The following BICRAL variants were observed in gnomAD, a reference collection of about 807,000 sequenced individuals.
BICRAL encodes BICRA like chromatin remodeling complex associated protein, also known as BRD4-interacting chromatin-remodeling complex-associated protein-like.
A neutral mutation model predicts 91.8 loss-of-function variants in BICRAL; 8 were observed. That is an observed-to-expected ratio of 0.09 (90% CI 0.05 to 0.16). The LOEUF (loss-of-function observed/expected upper bound fraction) is 0.16, where lower values mean the gene tolerates loss of function less well. Ranked by LOEUF, BICRAL falls within the 10% of genes least tolerant of loss-of-function variation. The probability of loss-of-function intolerance (pLI) is 1.00; values close to 1 mark genes in which losing one functional copy is unlikely to be tolerated. For missense variants in BICRAL, 1,038 were observed against 1,310.9 expected (o/e 0.79, Z 3.21); for synonymous variants, 445 against 491.1 (o/e 0.91, Z 1.24).
intron 6 of BICRAL, among the ~76,000 whole-genome samples, chr6:42,847,471 T>C (rs980443462): frequency 6.6e-6 from 1 of 152,106 alleles, no homozygotes; most frequent in Non-Finnish European, 1.5e-5. Context: ...GATATTGATG[T>C]GATACATTAA....
At chr6:42,839,861 A>G (rs1200056466) in intron 6 of BICRAL, among the ~76,000 whole-genome samples, 1 of 152,154 alleles carries the variant, frequency 6.6e-6, no homozygotes, top group Non-Finnish European at 1.5e-5. Context: ...GTGTCACAAG[A>G]CACTGTAGGA....
intron 6 of BICRAL, among the ~76,000 whole-genome samples, chr6:42,839,526 C>T (rs1764727886): frequency 6.6e-6 from 1 of 151,810 alleles, no homozygotes; most frequent in Admixed American, 6.6e-5. Context: ...GTCATGAGCC[C>T]TCATACTCCC....
intron 1 of BICRAL, among the ~76,000 whole-genome samples, chr6:42,775,201 CTGGGATCACAGGCG>C (rs1762791326): frequency 6.6e-6 from 1 of 152,238 alleles, no homozygotes; most frequent in African/African-American, 2.4e-5. Context: ...TCCCAAAGTG[CTGGGATCACAGGCG>C]TGAGCCACTG....
chr6:42,776,605 C>T (rs537990498), intron 1 of BICRAL, among the ~76,000 whole-genome samples: 1 of 152,298 alleles, frequency 6.6e-6, no homozygotes, highest in African/African-American at 2.4e-5. Context: ...GCCTCAGCCT[C>T]CCAAAGTGTT....
intron 1 of BICRAL, among the ~76,000 whole-genome samples, chr6:42,748,101 G>C (rs996177282): frequency 2.1e-5 from 3 of 140,836 alleles, no homozygotes; most frequent in African/African-American, 7.8e-5. Flanking sequence ...ACTGTGCCTG[G>C]CCCTTTTTTT....
chr6:42,772,187 A>T (rs1017704487), intron 1 of BICRAL, among the ~76,000 whole-genome samples: 3 of 152,176 alleles, frequency 2.0e-5, no homozygotes, highest in Middle Eastern at 6.3e-3. Flanking sequence ...TATAGAATGA[A>T]ATACATCAAG....
chr6:42,838,058 CTTTA>C (rs1164533695), intron 6 of BICRAL, among the ~76,000 whole-genome samples: 2 of 152,170 alleles, frequency 1.3e-5, no homozygotes, highest in Non-Finnish European at 2.9e-5. Flanking sequence ...CACATTTATA[CTTTA>C]TTTATATACT....
chr6:42,860,952 C>T (rs1765537474), intron 11 of BICRAL, among the ~76,000 whole-genome samples: 1 of 151,820 alleles, frequency 6.6e-6, no homozygotes, highest in Non-Finnish European at 1.5e-5. Context: ...CATGGAGAAA[C>T]CCCTTCTCTA....
intron 1 of BICRAL, among the ~76,000 whole-genome samples, chr6:42,750,068 T>C (rs1582795213): frequency 6.6e-6 from 1 of 152,184 alleles, no homozygotes; most frequent in Admixed American, 6.5e-5. Context: ...TTTCACTATG[T>C]TGACCAGGCT....
At chr6:42,846,711 G>C (rs1056055794) in intron 6 of BICRAL, among the ~76,000 whole-genome samples, 2 of 152,186 alleles carry the variant, frequency 1.3e-5, no homozygotes, top group Non-Finnish European at 2.9e-5. Context: ...GCCCCTCAGG[G>C]CCAAAGTATA....
intron 1 of BICRAL, among the ~76,000 whole-genome samples, chr6:42,774,467 G>T (rs892896364): frequency 1.3e-5 from 2 of 152,174 alleles, no homozygotes; most frequent in African/African-American, 4.8e-5. Context: ...ACCAGGCCGC[G>T]TGCGAAATAT....
At chr6:42,816,117 A>G (rs1763987803) in intron 2 of BICRAL, among the ~76,000 whole-genome samples, 2 of 151,604 alleles carry the variant, frequency 1.3e-5, no homozygotes, top group Admixed American at 1.3e-4. Context: ...CCAGCACTTT[A>G]GGAGACCAAG....
At chr6:42,769,232 C>T (rs1002576958) in intron 1 of BICRAL, among the ~76,000 whole-genome samples, 1 of 152,142 alleles carries the variant, frequency 6.6e-6, no homozygotes, top group Non-Finnish European at 1.5e-5. Flanking sequence ...CAAGCTCACC[C>T]GTGAGGCGGT....
chr6:42,848,963 C>T (rs141790025), intron 6 of BICRAL, among the ~76,000 whole-genome samples: 107 of 152,270 alleles, frequency 7.0e-4, no homozygotes, highest in African/African-American at 2.4e-3. Context: ...CATGGGGTCA[C>T]CTTGTAGGGG....
At chr6:42,789,378 C>T (rs1481857494) in intron 1 of BICRAL, among the ~76,000 whole-genome samples, 1 of 152,152 alleles carries the variant, frequency 6.6e-6, no homozygotes, top group Non-Finnish European at 1.5e-5. Flanking sequence ...CCATGGCTCA[C>T]ACCTACAATC....
intron 1 of BICRAL, among the ~76,000 whole-genome samples, chr6:42,796,404 G>A (rs752248359): frequency 6.6e-6 from 1 of 152,184 alleles, no homozygotes; most frequent in Non-Finnish European, 1.5e-5. Context: ...GGCGTGGCAA[G>A]GTAGCAAGGG....
chr6:42,859,743 G>A (rs1235967439), intron 10 of BICRAL, among the ~76,000 whole-genome samples: 4 of 151,986 alleles, frequency 2.6e-5, no homozygotes, highest in Non-Finnish European at 2.9e-5. Flanking sequence ...CTGGGTTCAC[G>A]CCATTCTCCT....
Position 42,866,893 on chromosome 6 carries a change from G to A in BICRAL, c.*1447G>A, listed in dbSNP as rs1765722013. The A allele has an allele frequency of 2.2e-6, 1 of 455,844 alleles. No individual in the cohort carries two copies. The highest frequency in any genetic ancestry group is 4.4e-6 in the Non-Finnish European group (1 of 226,780). 28.2% of individuals were successfully genotyped at this position (455,844 alleles called of 1,614,324 possible). The stretch of plus-strand genomic sequence containing the variant: ...TCTCCTCTCATTGGGAAAGCTACAT[G>A]ATAGTATTTTTATGCACTCTTCTCC... On this transcript the variant is annotated 3_prime_UTR_variant, in exon 13 of 13. Coordinates refer to ENST00000314073, the MANE Select transcript of BICRAL (RefSeq NM_001393499.1).
intron 6 of BICRAL, among the ~76,000 whole-genome samples, chr6:42,838,391 G>A (rs2113978683): frequency 6.6e-6 from 1 of 152,240 alleles, no homozygotes; most frequent in South Asian, 2.1e-4. Context: ...AATGGTTTGG[G>A]CAAGACACAT....
Sources: gnomAD v4.1 joint callset for allele counts (sites outside exome capture counted in the v4.1 genomes callset) on GRCh38, gnomAD v4.1.1 for gene constraint, MANE v1.5 for transcripts, NCBI Gene and HGNC (gene_info 2026-07-23, HGNC 2026-07-21) for gene names.